The following RNF7 variants were observed in gnomAD, a reference collection of about 807,000 sequenced individuals.
RNF7 encodes the protein ring finger protein 7.
Under a neutral mutation model 17.0 loss-of-function variants are expected in RNF7, and 9 were observed. The observed-to-expected ratio is 0.53, with a 90% CI of 0.32 to 0.92. The LOEUF (loss-of-function observed/expected upper bound fraction) is 0.92, where lower values mean the gene tolerates loss of function less well. RNF7 is among the 40% of genes least tolerant of loss of function. The pLI is 0.04. For synonymous variants in RNF7, 59 were observed against 50.5 expected, an observed-to-expected ratio of 1.17 and a Z score of -0.72; for missense variants, 87 against 145.8, an observed-to-expected ratio of 0.60 and a Z score of 2.08.
intron 2 of RNF7, among the ~76,000 whole-genome samples, chr3:141,744,747 T>G (rs553009894): frequency 1.3e-5 from 2 of 152,194 alleles, no homozygotes; most frequent in African/African-American, 4.8e-5. Flanking sequence ...CTAAAAACAT[T>G]TACAACTCAT....
At chr3:141,742,228 T>C (rs1454940143) in intron 1 of RNF7, among the ~76,000 whole-genome samples, 17 of 146,550 alleles carry the variant, frequency 1.2e-4, no homozygotes, top group Non-Finnish European at 2.1e-4. Context: ...ATTTTCTTTT[T>C]TTTTTTTTTT....
In RNF7 at chr3:141,744,871, T is replaced by C. The variant is rs74776152; in HGVS notation, c.224-288T>C. ...CAGATCTAAGGAAGGTTCAAGAACA[T>C]TCATCTAACTTCAAGAAGACAGCAT... On this transcript the variant is annotated intron_variant, in intron 2 of 2. Coordinates refer to ENST00000273480, the MANE Select transcript of RNF7 (RefSeq NM_014245.5). Among the ~76,000 whole-genome samples, 888 of 152,230 alleles carry C rather than the reference T, an allele frequency of 5.8e-3. 1 individual carries two copies. Among genetic ancestry groups the C allele is most frequent in the African/African-American group, 0.02 (845 of 41,536 alleles).
At position 141,745,462 on chromosome 3, in the gene RNF7, C is replaced by T. The variant is rs1424585691; in HGVS notation, c.*185C>T. 3 of 422,330 alleles carry T rather than the reference C, an allele frequency of 7.1e-6. No homozygotes were observed. The highest frequency in any genetic ancestry group is 6.6e-4 in the Middle Eastern group (1 of 1,514). 26.2% of individuals were successfully genotyped at this position (422,330 alleles called of 1,614,324 possible). A position where few individuals can be genotyped will look rare whatever the true frequency, so the allele number is the denominator to read the frequency against. ...TTTGTCAGTTTTATCTTCAGAAATT[C>T]TCTGCGATTAAGAAGATAATTTATT... On this transcript the variant is annotated 3_prime_UTR_variant, in exon 3 of 3. Coordinates refer to ENST00000273480, the MANE Select transcript of RNF7 (RefSeq NM_014245.5).
rs536279458 is a variant in RNF7 at position 141,746,714 on chromosome 3, T to C, written c.*1437T>C. The C allele has an allele frequency of 6.6e-6, 1 of 152,334 alleles. No individual in the cohort carries two copies. The highest frequency in any genetic ancestry group is 2.1e-4 in the South Asian group (1 of 4,828). 9.4% of individuals were successfully genotyped at this position (152,334 alleles called of 1,614,324 possible). A position where few individuals can be genotyped will look rare whatever the true frequency, so the allele number is the denominator to read the frequency against. Reference sequence around the variant, plus strand: ...CACATCTGCAGATGCAGTGTGCCATTCTGAATTTTTCAATCTAAGGGATGT... The same window carrying C: ...CACATCTGCAGATGCAGTGTGCCATCCTGAATTTTTCAATCTAAGGGATGT... On this transcript the variant is annotated 3_prime_UTR_variant, in exon 3 of 3. Coordinates refer to ENST00000273480, the MANE Select transcript of RNF7 (RefSeq NM_014245.5).
chr3:141,738,360 G>C lies in RNF7; in HGVS notation c.19G>C (p.Gly7Arg). The change falls in exon 1 of 3, where the codon GGA (glycine) becomes CGA (arginine). Residue 7 changes from glycine to arginine, a missense_variant. Physicochemically the swap from Gly to Arg is moderately radical, Grantham distance 125. Around this residue, in one of 2 missense-constraint regions of RNF7, gnomAD observed 51 missense variants for 41.0 expected, o/e 1.24. Transcript: ENST00000273480. MADVED[G>R]EETCALASHS... is the part of the protein sequence containing the mutation. ...CGCCGCCATGGCCGACGTGGAAGAC[G>C]GAGAGGAAACCTGCGCCCTGGCCTC... is the stretch of plus-strand genomic sequence containing the variant. The C allele has an allele frequency of 1.3e-6, 2 of 1,580,774 alleles. No homozygotes were observed. The highest frequency in any genetic ancestry group is 1.7e-6 in the Non-Finnish European group (2 of 1,163,800).
intron 1 of RNF7, among the ~76,000 whole-genome samples, chr3:141,740,227 T>C (rs1431688877): frequency 2.6e-5 from 4 of 151,940 alleles, no homozygotes; most frequent in Admixed American, 1.3e-4. Context: ...ATAAATTTCC[T>C]TTAGTTTAAA....
At chr3:141,743,687 TA>T in intron 2 of RNF7, 131 bp downstream of exon 2, 1 of 600,818 alleles carries the variant, frequency 1.7e-6, no homozygotes, top group South Asian at 2.9e-5. Flanking sequence ...CCATTGTTAA[TA>T]TAAAATATGT....
chr3:141,741,798 C>T (rs1305103605), intron 1 of RNF7, among the ~76,000 whole-genome samples: 1 of 152,112 alleles, frequency 6.6e-6, no homozygotes, highest in Non-Finnish European at 1.5e-5. Context: ...TGGGCATGCT[C>T]ATGGGCAGTT....
intron 1 of RNF7, among the ~76,000 whole-genome samples, chr3:141,740,976 C>T (rs993399254): frequency 6.6e-6 from 1 of 152,200 alleles, no homozygotes; most frequent in Non-Finnish European, 1.5e-5. Context: ...CGTTTCCACT[C>T]TCCTCCCTTC....
chr3:141,742,006 T>G (rs1376183022), intron 1 of RNF7, among the ~76,000 whole-genome samples: 3 of 151,858 alleles, frequency 2.0e-5, no homozygotes, highest in African/African-American at 7.3e-5. Context: ...TTAAAAAAAC[T>G]TTTAGGTTCA....
In RNF7 at chr3:141,746,952, C is replaced by G. The variant is rs928589891; in HGVS notation, c.*1675C>G. 6.6e-6 allele frequency: 1 copy of G among 152,122 alleles called. No homozygotes were observed. The highest frequency in any genetic ancestry group is 2.4e-5 in the African/African-American group (1 of 41,428). 9.4% of individuals were successfully genotyped at this position (152,122 alleles called of 1,614,324 possible). A position where few individuals can be genotyped will look rare whatever the true frequency, so the allele number is the denominator to read the frequency against. On this transcript the variant is annotated 3_prime_UTR_variant, in exon 3 of 3. Coordinates refer to ENST00000273480, the MANE Select transcript of RNF7 (RefSeq NM_014245.5). ...TGCAGTGAACTGTTTTAGTAACTTT[C>G]TGTTTGACCTTTTTAGAAGGTTGCA...
In RNF7 at chr3:141,738,339, G is replaced by C. The variant is rs768231803; in HGVS notation, c.-3G>C. On this transcript the variant is annotated 5_prime_UTR_variant, in exon 1 of 3. Transcript: ENST00000273480. Reference sequence around the variant, plus strand: ...TCTCCGCCGTCGGCTCCGCGGCGCCGCCATGGCCGACGTGGAAGACGGAGA... The same window carrying C: ...TCTCCGCCGTCGGCTCCGCGGCGCCCCCATGGCCGACGTGGAAGACGGAGA... 6.7e-7 allele frequency: 1 copy of C among 1,485,060 alleles called. No homozygotes were observed. Among genetic ancestry groups the C allele is most frequent in the Non-Finnish European group, 9.1e-7 (1 of 1,104,580 alleles). The allele number at this position is 1,485,060 out of a possible 1,614,324, so 92.0% of individuals were successfully genotyped here. A position where few individuals can be genotyped will look rare whatever the true frequency, so the allele number is the denominator to read the frequency against.
In RNF7 at chr3:141,738,326, G is replaced by A; in HGVS notation, c.-16G>A. 6.4e-7 allele frequency: 1 copy of A among 1,551,276 alleles called. No homozygotes were observed. The highest frequency in any genetic ancestry group is 8.7e-7 in the Non-Finnish European group (1 of 1,147,198). On this transcript the variant is annotated 5_prime_UTR_variant, in exon 1 of 3. Coordinates refer to ENST00000273480, the MANE Select transcript of RNF7 (RefSeq NM_014245.5). The stretch of plus-strand genomic sequence containing the variant: ...CCCCAAGCCAACGTCTCCGCCGTCG[G>A]CTCCGCGGCGCCGCCATGGCCGACG...
chr3:141,743,672 G>GC, intron 2 of RNF7, 116 bp downstream of exon 2: 1 of 689,782 alleles, frequency 1.4e-6, no homozygotes, highest in Non-Finnish European at 2.4e-6. Context: ...CTGTAAAGCA[G>GC]TGATCCATTG....
intron 1 of RNF7, among the ~76,000 whole-genome samples, chr3:141,739,249 CCCTCTCCAT>C (rs2084390539): frequency 6.6e-6 from 1 of 152,208 alleles, no homozygotes; most frequent in Non-Finnish European, 1.5e-5. Flanking sequence ...CATCACACCC[CCCTCTCCAT>C]ATTGGATGCC....
Position 141,745,973 on chromosome 3 carries a change from AT to A in RNF7, c.*714del, listed in dbSNP as rs1360420653. 0.084 allele frequency: 10,849 copies of A among 129,924 alleles called. 289 individuals are homozygous for A. Among genetic ancestry groups the A allele is most frequent in the South Asian group, 0.12 (508 of 4,186 alleles). 8.0% of individuals were successfully genotyped at this position (129,924 alleles called of 1,614,324 possible). On this transcript the variant is annotated 3_prime_UTR_variant, in exon 3 of 3. Transcript: ENST00000273480. ...TTTCTAGTTCTGGTCAGATGATATA[AT>A]TTTTTTTTTTTTTTTTTGTGGGGGT...
chr3:141,743,026 GT>G, intron 1 of RNF7: 1 of 497,566 alleles, frequency 2.0e-6, no homozygotes, highest in Non-Finnish European at 2.7e-6. Context: ...ACCTGGAAGA[GT>G]GAAAACTCTC....
In RNF7 at chr3:141,746,000, G is replaced by A. The variant is rs2084468462; in HGVS notation, c.*723G>A. 1 of 147,526 alleles carries A rather than the reference G, an allele frequency of 6.8e-6. No homozygotes were observed. The highest frequency in any genetic ancestry group is 2.5e-5 in the African/African-American group (1 of 39,662). 9.1% of individuals were successfully genotyped at this position (147,526 alleles called of 1,614,324 possible). A position where few individuals can be genotyped will look rare whatever the true frequency, so the allele number is the denominator to read the frequency against. On this transcript the variant is annotated 3_prime_UTR_variant, in exon 3 of 3. Transcript: ENST00000273480. ...TTTTTTTTTTTTTTTTTGTGGGGGT[G>A]AAGTCTTGCTCTGCCACCCAGGCTG...
At chr3:141,739,227 A>T (rs947326943) in intron 1 of RNF7, among the ~76,000 whole-genome samples, 3 of 152,166 alleles carry the variant, frequency 2.0e-5, no homozygotes. Flanking sequence ...CAGAAACGTA[A>T]AACTTCACCT....
Sources: allele counts gnomAD v4.1 joint callset (sites outside exome capture counted in the v4.1 genomes callset), GRCh38; gene constraint gnomAD v4.1.1; regional missense constraint gnomAD v4.1.1; transcripts MANE v1.5; gene names NCBI Gene and HGNC (gene_info 2026-07-23, HGNC 2026-07-21).